ENTPD1: variants seen among roughly 807,000 people sequenced by gnomAD.
ENTPD1 encodes the protein ATP diphosphohydrolase.
In ENTPD1, 33 loss-of-function variants were observed where a neutral mutation model predicts 57.0. The ratio of observed to expected loss-of-function variants is 0.58; its 90% CI spans 0.44 to 0.77. The LOEUF (loss-of-function observed/expected upper bound fraction) is 0.77, where lower values mean the gene tolerates loss of function less well. Among genes scored for constraint, ENTPD1 ranks in the 30% least tolerant of loss-of-function variants. The pLI is 0.00. For missense variants in ENTPD1, 501 were observed against 603.4 expected (o/e 0.83, Z 1.78); for synonymous variants, 202 against 218.8 (o/e 0.92, Z 0.68).
At chr10:95,702,999 C>A in the ENTPD1 span, among the ~76,000 whole-genome samples, 6 of 151,920 alleles carry the variant, frequency 3.9e-5, no homozygotes, top group Non-Finnish European at 8.8e-5. Context: ...CTTGGCCAGG[C>A]TGGTTTTGAA....
intron 1 of ENTPD1, among the ~76,000 whole-genome samples, chr10:95,717,038 G>A (rs1193526769): frequency 6.6e-6 from 1 of 152,256 alleles, no homozygotes; most frequent in Non-Finnish European, 1.5e-5. Flanking sequence ...GCAACCCACT[G>A]TGTGGGTAGG....
At chr10:95,842,677 T>C (rs2098425043) in intron 4 of ENTPD1, among the ~76,000 whole-genome samples, 183 bp downstream of exon 4, 1 of 148,122 alleles carries the variant, frequency 6.8e-6, no homozygotes, top group Admixed American at 6.7e-5. Flanking sequence ...TATATAGGGG[T>C]AGGATTTTAT....
intron 1 of ENTPD1, among the ~76,000 whole-genome samples, chr10:95,778,103 G>A (rs567324345): frequency 3.3e-5 from 5 of 152,314 alleles, no homozygotes; most frequent in African/African-American, 9.6e-5. Context: ...GCGCTTTCCA[G>A]GTGAGGTGAT....
chr10:95,821,996 C>T (rs1270029860), intron 1 of ENTPD1, among the ~76,000 whole-genome samples: 2 of 92,910 alleles, frequency 2.2e-5, no homozygotes, highest in African/African-American at 4.3e-5. Context: ...TAGCTTTTGC[C>T]TTTTTTTTTT....
rs1168063227 is a variant in ENTPD1, at chr10:95,791,641, A to G, written c.17-31596A>G. On this transcript the variant is annotated intron_variant, in intron 1 of 9. Coordinates refer to ENST00000371205, the MANE Select transcript of ENTPD1 (RefSeq NM_001776.6). The surrounding 1 kb of genome is among the most constrained non-coding windows in gnomAD (Gnocchi z 4.1). ...ATTTTACTGCAGAGGGTAAATACCC[A>G]TCTTTTAAACAGGATTACCACTTGG... is the stretch of plus-strand genomic sequence containing the variant. 6.6e-6 allele frequency among the ~76,000 whole-genome samples: 1 copy of G among 152,204 alleles called. No homozygotes were observed. Among genetic ancestry groups the G allele is most frequent in the East Asian group, 1.9e-4 (1 of 5,196 alleles).
At chr10:95,696,669 T>A in the ENTPD1 span, among the ~76,000 whole-genome samples, 1 of 152,236 alleles carries the variant, frequency 6.6e-6, no homozygotes, top group Admixed American at 6.5e-5. Context: ...AAGATAATTT[T>A]GTGGATGAAG....
chr10:95,773,590 T>C (rs1348625543), intron 1 of ENTPD1, among the ~76,000 whole-genome samples: 1 of 152,180 alleles, frequency 6.6e-6, no homozygotes, highest in Non-Finnish European at 1.5e-5. Context: ...CAATTAATAA[T>C]GGCTTAAACT....
At chr10:95,811,049 C>T (rs78788380) in intron 1 of ENTPD1, among the ~76,000 whole-genome samples, 5,672 of 152,286 alleles carry the variant, frequency 0.037, 128 homozygotes, top group Non-Finnish European at 0.049. Context: ...GTCAGATGAT[C>T]TCTGACAGTG....
chr10:95,864,868 TG>T lies in ENTPD1; in HGVS notation c.1326+12del, dbSNP rs1350693772. ...CATCCATTTCATTGGCAAGGTAATT[TG>T]GGGGCCTGTTGGGCTGGGGGGAGGT... On this transcript the variant is annotated splice_region_variant and intron_variant, in intron 9 of 9. Transcript: ENST00000371205. 10 of 1,597,750 alleles carry T rather than the reference TG, an allele frequency of 6.3e-6. No individual in the cohort carries two copies. The highest frequency in any genetic ancestry group is 8.5e-6 in the Non-Finnish European group (10 of 1,171,822).
upstream of ENTPD1, among the ~76,000 whole-genome samples, chr10:95,707,498 G>T (rs887718025): frequency 6.6e-6 from 1 of 152,236 alleles, no homozygotes; most frequent in African/African-American, 2.4e-5. Context: ...TGTTTGAGAG[G>T]AGTAGTGACT....
Position 95,845,440 on chromosome 10 carries a change from A to C in ENTPD1, c.657A>C (p.Thr219=). The change falls in exon 6 of 10, where the codon ACA becomes ACC. Residue 219 remains threonine, a synonymous_variant. Transcript: ENST00000371205. ...FGALDLGGAS[T]QVTFVPQNQT... is the part of the protein sequence containing the mutation. Reference sequence around the variant, plus strand: ...CTTTGGACCTTGGGGGAGCCTCTACACAAGTCACTTTTGTACCCCAAAACC... The same window carrying C: ...CTTTGGACCTTGGGGGAGCCTCTACCCAAGTCACTTTTGTACCCCAAAACC... The C allele has an allele frequency of 6.2e-7, 1 of 1,614,190 alleles. No homozygotes were observed. The highest frequency in any genetic ancestry group is 8.5e-7 in the Non-Finnish European group (1 of 1,180,036).
At chr10:95,769,003 A>G (rs2098103121) in intron 1 of ENTPD1, among the ~76,000 whole-genome samples, 1 of 152,202 alleles carries the variant, frequency 6.6e-6, no homozygotes, top group Non-Finnish European at 1.5e-5. Flanking sequence ...GGTTCTGTTC[A>G]GGTCTTGGAA....
chr10:95,820,726 T>C (rs1385107268), intron 1 of ENTPD1, among the ~76,000 whole-genome samples: 7 of 152,222 alleles, frequency 4.6e-5, no homozygotes, highest in African/African-American at 1.4e-4. Context: ...AGTCACTCTA[T>C]CAAGTTCCTT....
chr10:95,733,184 T>G (rs1380327521), intron 1 of ENTPD1, among the ~76,000 whole-genome samples: 3 of 152,220 alleles, frequency 2.0e-5, no homozygotes, highest in Non-Finnish European at 2.9e-5. Flanking sequence ...TTCTCAGGGC[T>G]GTTCCTTGCT....
upstream of ENTPD1, among the ~76,000 whole-genome samples, chr10:95,711,409 T>C (rs192780864): frequency 4.4e-3 from 668 of 152,356 alleles, 2 homozygotes; most frequent in Middle Eastern, 0.02. Flanking sequence ...CACACTCTTT[T>C]TTTATCCTGT....
At chr10:95,822,835 A>T (rs571440996) in intron 1 of ENTPD1, among the ~76,000 whole-genome samples, 87 of 152,346 alleles carry the variant, frequency 5.7e-4, no homozygotes, top group African/African-American at 1.9e-3. Flanking sequence ...TACATTCTTA[A>T]TACTTTTTAA....
chr10:95,783,346 T>A (rs931380271), intron 1 of ENTPD1, among the ~76,000 whole-genome samples: 1 of 152,154 alleles, frequency 6.6e-6, no homozygotes, highest in African/African-American at 2.4e-5. Flanking sequence ...CAAATCTTTT[T>A]CATTAATTGG....
upstream of ENTPD1, among the ~76,000 whole-genome samples, chr10:95,711,010 T>C (rs559044856): frequency 2.0e-5 from 3 of 152,256 alleles, no homozygotes; most frequent in Admixed American, 6.5e-5. Context: ...CCTGGATCTT[T>C]ACTGTGCTGG....
Position 95,789,838 on chromosome 10 carries a change from T to C in ENTPD1, c.17-33399T>C, listed in dbSNP as rs548220647. On this transcript the variant is annotated intron_variant, in intron 1 of 9. Transcript: ENST00000371205. ...AAATTAACTGCATTACATACTATAC[T>C]ACTGTAATAATTTTGTAGCCACCTC... is the stretch of plus-strand genomic sequence containing the variant. Among the ~76,000 whole-genome samples, 10 of 152,354 alleles carry C rather than the reference T, an allele frequency of 6.6e-5. No homozygotes were observed. The South Asian group carries it at 2.1e-3, about 32-fold the overall frequency.
Sources: allele counts gnomAD v4.1 joint callset (sites outside exome capture counted in the v4.1 genomes callset), GRCh38; gene constraint gnomAD v4.1.1; non-coding constraint Gnocchi (gnomAD v3.1); transcripts MANE v1.5; gene names NCBI Gene and HGNC (gene_info 2026-07-23, HGNC 2026-07-21).